TSHZ3: variants seen among roughly 807,000 people sequenced by gnomAD.
TSHZ3 encodes teashirt homolog 3.
In TSHZ3, 10 loss-of-function variants were observed where a neutral mutation model predicts 64.5. The observed-to-expected ratio is 0.16, with a 90% CI of 0.10 to 0.26. The LOEUF (loss-of-function observed/expected upper bound fraction) is 0.26. Ranked by LOEUF, TSHZ3 falls within the 10% of genes least tolerant of loss-of-function variation. TSHZ3 has a pLI of 1.00. For missense variants in TSHZ3, 1,242 were observed against 1,421.7 expected (o/e 0.87, Z 2.03); for synonymous variants, 608 against 593.1 (o/e 1.03, Z -0.36).
At chr19:31,210,664 A>G (rs1975250724) in intron 4 of TSHZ3, among the ~76,000 whole-genome samples, 1 of 152,160 alleles carries the variant, frequency 6.6e-6, no homozygotes, top group African/African-American at 2.4e-5. Flanking sequence ...CAAGAGCTGA[A>G]AAACCTGCAC....
intron 4 of TSHZ3, among the ~76,000 whole-genome samples, chr19:31,226,703 T>G (rs1325316326): frequency 8.5e-5 from 13 of 152,086 alleles, no homozygotes. Flanking sequence ...TTGAACACCC[T>G]GTGTTCAAGA....
At chr19:31,300,930 T>C (rs904392130) in intron 1 of TSHZ3, among the ~76,000 whole-genome samples, 18 of 152,124 alleles carry the variant, frequency 1.2e-4, no homozygotes, top group Non-Finnish European at 1.5e-5. Context: ...TCTGTCAAAA[T>C]GTAAGATTAT....
intron 5 of TSHZ3, among the ~76,000 whole-genome samples, chr19:31,185,023 C>T (rs925641152): frequency 6.6e-6 from 1 of 152,026 alleles, no homozygotes; most frequent in Admixed American, 6.5e-5. Flanking sequence ...CTGTACCCTC[C>T]TGAGACAGGG....
intron 1 of TSHZ3, among the ~76,000 whole-genome samples, chr19:31,325,163 C>A (rs898243771): frequency 6.6e-6 from 1 of 152,162 alleles, no homozygotes; most frequent in South Asian, 2.1e-4. Context: ...GCTCTCTGAG[C>A]GACCTCAGGT....
intron 1 of TSHZ3, among the ~76,000 whole-genome samples, chr19:31,256,907 C>A (rs1276137480): frequency 6.6e-6 from 1 of 152,168 alleles, no homozygotes; most frequent in African/African-American, 2.4e-5. Flanking sequence ...CAGGACTGGA[C>A]ACGCTACAGG....
At chr19:31,254,058 A>C (rs1039702984) in intron 1 of TSHZ3, among the ~76,000 whole-genome samples, 1 of 152,086 alleles carries the variant, frequency 6.6e-6, no homozygotes, top group African/African-American at 2.4e-5. Context: ...GCTCACAGAC[A>C]ACCTCCCATA....
intron 5 of TSHZ3, chr19:31,195,560 A>C: frequency 7.0e-5 from 1 of 14,250 alleles, no homozygotes; most frequent in African/African-American, 5.0e-4. Flanking sequence ...GGATTCTTTT[A>C]TTTATTTATT....
At chr19:31,290,909 G>A (rs1292125918) in intron 1 of TSHZ3, among the ~76,000 whole-genome samples, 10 of 152,216 alleles carry the variant, frequency 6.6e-5, no homozygotes, top group African/African-American at 2.2e-4. Context: ...GCAAGGTCAG[G>A]AATATTAATT....
At chr19:31,231,761 C>T (rs1249706111) in intron 3 of TSHZ3, among the ~76,000 whole-genome samples, 2 of 152,102 alleles carry the variant, frequency 1.3e-5, no homozygotes, top group African/African-American at 4.8e-5. Context: ...CCGGAGCTTA[C>T]GGATCCTATA....
chr19:31,166,536 TG>T (rs1974454492), intron 5 of TSHZ3, among the ~76,000 whole-genome samples: 1 of 152,200 alleles, frequency 6.6e-6, no homozygotes, highest in African/African-American at 2.4e-5. Flanking sequence ...AGATGCCTTC[TG>T]GGACCAAGAT....
chr19:31,237,967 T>C (rs1975641281), intron 3 of TSHZ3, among the ~76,000 whole-genome samples: 1 of 152,214 alleles, frequency 6.6e-6, no homozygotes, highest in Non-Finnish European at 1.5e-5. Flanking sequence ...CAACTCTATC[T>C]GACTGCAATG....
chr19:31,315,348 G>A (rs1040026158), intron 1 of TSHZ3, among the ~76,000 whole-genome samples: 1 of 152,138 alleles, frequency 6.6e-6, no homozygotes, highest in African/African-American at 2.4e-5. Context: ...AAGCGTCCCC[G>A]GTCTGTTCAT....
chr19:31,244,685 C>A (rs756258782), intron 1 of TSHZ3, among the ~76,000 whole-genome samples: 3 of 152,116 alleles, frequency 2.0e-5, no homozygotes, highest in Non-Finnish European at 4.4e-5. Context: ...GCTCTGTCCC[C>A]CAGGCTGGAG....
chr19:31,191,176 C>T (rs184512180), intron 5 of TSHZ3, among the ~76,000 whole-genome samples: 10 of 152,162 alleles, frequency 6.6e-5, no homozygotes, highest in South Asian at 2.1e-4. Context: ...AATATCAACA[C>T]GGTTGACACT....
intron 5 of TSHZ3, among the ~76,000 whole-genome samples, chr19:31,165,107 A>T (rs180714966): frequency 1.3e-5 from 2 of 152,296 alleles, no homozygotes; most frequent in Admixed American, 6.5e-5. Context: ...CAGCCCCGGA[A>T]TCTCCGCTGC....
chr19:31,280,624 A>T (rs182127449), intron 1 of TSHZ3, among the ~76,000 whole-genome samples: 9 of 152,306 alleles, frequency 5.9e-5, no homozygotes, highest in African/African-American at 2.2e-4. Flanking sequence ...GGACCTTACA[A>T]ATGTCAAAGT....
At chr19:31,162,240 T>C (rs1473873845) in intron 5 of TSHZ3, among the ~76,000 whole-genome samples, 1 of 152,030 alleles carries the variant, frequency 6.6e-6, no homozygotes, top group East Asian at 1.9e-4. Flanking sequence ...TCAGTACTGA[T>C]GAAATACTTA....
intron 1 of TSHZ3, among the ~76,000 whole-genome samples, chr19:31,267,528 C>T (rs962177147): frequency 6.6e-6 from 1 of 152,162 alleles, no homozygotes; most frequent in Middle Eastern, 3.2e-3. Context: ...ACCATCTCCT[C>T]AGCATCTCCT....
At chr19:31,164,046 A>G (rs1974408075) in intron 5 of TSHZ3, among the ~76,000 whole-genome samples, 1 of 152,160 alleles carries the variant, frequency 6.6e-6, no homozygotes, top group South Asian at 2.1e-4. Flanking sequence ...CAGGTGGTCG[A>G]GCTGGGAGTC....
Sources: allele counts gnomAD v4.1 joint callset (sites outside exome capture counted in the v4.1 genomes callset), GRCh38; gene constraint gnomAD v4.1.1; transcripts MANE v1.5; gene names NCBI Gene and HGNC (gene_info 2026-07-23, HGNC 2026-07-21).